The following JAK3 variants were observed in gnomAD, a reference collection of about 807,000 sequenced individuals.
JAK3 encodes Janus kinase 3, also known as tyrosine-protein kinase JAK3.
Under a neutral mutation model 120.8 loss-of-function variants are expected in JAK3, and 88 were observed. The ratio of observed to expected loss-of-function variants is 0.73; its 90% CI spans 0.61 to 0.87. The LOEUF is 0.87. Ranked by LOEUF, JAK3 falls within the 40% of genes least tolerant of loss-of-function variation. The pLI, the probability that JAK3 is intolerant of heterozygous loss-of-function variation, is 0.00. For synonymous variants in JAK3, 592 were observed against 628.6 expected (o/e 0.94, Z 0.87); for missense variants, 1,254 against 1,501.4 (o/e 0.84, Z 2.72).
At chr19:17,839,738 C>CTTTTTTTTTTTTTTTTTT in intron 9 of JAK3, 75 bp from the exon 10 acceptor site, 1 of 795,748 alleles carries the variant, frequency 1.3e-6, no homozygotes, top group South Asian at 1.7e-5. Flanking sequence ...CCTTTTTTTT[C>CTTTTTTTTTTTTTTTTTT]TTTTTTTTTT....
At chr19:17,839,369 A>T in intron 10 of JAK3, 108 bp downstream of exon 10, 1 of 1,045,370 alleles carries the variant, frequency 9.6e-7, no homozygotes, top group Non-Finnish European at 1.5e-6. Flanking sequence ...TCCCTAACCC[A>T]CCTTGACCTG....
Position 17,831,576 on chromosome 19 carries a change from C to T in JAK3, c.2805+98G>A. 2.0e-6 allele frequency: 3 copies of T among 1,524,812 alleles called. No homozygotes were observed. The highest frequency in any genetic ancestry group is 8.8e-7 in the Non-Finnish European group (1 of 1,133,970). 94.5% of individuals were successfully genotyped at this position (1,524,812 alleles called of 1,614,324 possible). ...ACCCCACCACTCCCGAGACCTGGAC[C>T]CCAAACCACTCCTCAGCCTTCACCG... is the stretch of plus-strand genomic sequence containing the variant. On this transcript the variant is annotated intron_variant, in intron 20 of 23. Coordinates refer to ENST00000458235, the MANE Select transcript of JAK3 (RefSeq NM_000215.4). This position sits in a 1 kb window ranked among gnomAD's most constrained non-coding sequence, Gnocchi z 5.1.
rs200737233 is a variant in JAK3, at chr19:17,832,720, C to T, written c.2491-12G>A. The T allele has an allele frequency of 3.6e-5, 58 of 1,614,204 alleles. No individual in the cohort carries two copies. In the East Asian group the frequency reaches 5.6e-4, roughly 16 times the overall value. On this transcript the variant is annotated splice_polypyrimidine_tract_variant and intron_variant, in intron 18 of 23. Coordinates refer to ENST00000458235, the MANE Select transcript of JAK3 (RefSeq NM_000215.4). The surrounding 1 kb of genome is among the most constrained non-coding windows in gnomAD (Gnocchi z 4.7). ...CTGCCAAAGTTGCCCTGGGGGATAGCGGGACTGATGTCCAGGCACCTGGAT... is the reference window on the plus strand; with the variant it reads ...CTGCCAAAGTTGCCCTGGGGGATAGTGGGACTGATGTCCAGGCACCTGGAT...
intron 17 of JAK3, 87 bp downstream of exon 17, chr19:17,834,484 G>A (rs1175440795): frequency 6.7e-6 from 10 of 1,484,346 alleles, no homozygotes; most frequent in Non-Finnish European, 8.4e-6. Flanking sequence ...CAGACACACA[G>A]GGCGTGGCCT....
Position 17,832,487 on chromosome 19 carries a change from G to A in JAK3, c.2680+32C>T, listed in dbSNP as rs372703124. The A allele has an allele frequency of 2.0e-5, 32 of 1,610,080 alleles. No homozygotes were observed. Among genetic ancestry groups the A allele is most frequent in the South Asian group, 4.4e-5 (4 of 91,018 alleles). Reference sequence around the variant, plus strand: ...TGTGCACTTTGAAAAGCACCCATACGTCTTGGTTCACTCATCCGGGAGCTG... The same window carrying A: ...TGTGCACTTTGAAAAGCACCCATACATCTTGGTTCACTCATCCGGGAGCTG... On this transcript the variant is annotated intron_variant, in intron 19 of 23. Transcript: ENST00000458235. This position sits in a 1 kb window ranked among gnomAD's most constrained non-coding sequence, Gnocchi z 4.7.
intron 10 of JAK3, 58 bp from the exon 11 acceptor site, chr19:17,838,448 G>T: frequency 6.2e-7 from 1 of 1,606,372 alleles, no homozygotes; most frequent in Non-Finnish European, 8.5e-7. Flanking sequence ...GTCCCCAAGG[G>T]TTAGCTAACT....
At position 17,835,958 on chromosome 19, in the gene JAK3, A is replaced by G; in HGVS notation, c.1880T>C (p.Val627Ala). Residue 627 changes from valine to alanine, a missense_variant, in exon 14 of 24, where the codon GTG (valine) becomes GCG (alanine). This residue lies in a region of JAK3 where 630 missense variants were observed against 819.8 expected (regional missense o/e 0.77). Transcript: ENST00000458235. ...GAGGGCGTAGGCCAGCTGTTTGACCACCTGCAGCTTCCAGCTGGCTGGCAC... is the reference window on the plus strand; with the variant it reads ...GAGGGCGTAGGCCAGCTGTTTGACCGCCTGCAGCTTCCAGCTGGCTGGCAC... ...HLVPASWKLQ[V>A]VKQLAYALNY... 2.5e-6 allele frequency: 4 copies of G among 1,614,086 alleles called. No individual in the cohort carries two copies. Among genetic ancestry groups the G allele is most frequent in the Non-Finnish European group, 3.4e-6 (4 of 1,180,028 alleles).
At chr19:17,833,542 GAAAAAAAA>G (rs58330868) in intron 17 of JAK3, among the ~76,000 whole-genome samples, 1,385 of 74,670 alleles carry the variant, frequency 0.019, 26 homozygotes, top group African/African-American at 0.06. Flanking sequence ...CCCCATCACA[GAAAAAAAA>G]AAAAAAAAAA....
chr19:17,837,120 G>T lies in JAK3; in HGVS notation c.1786+9C>A, dbSNP rs745749166. 9 of 1,541,974 alleles carry T rather than the reference G, an allele frequency of 5.8e-6. No individual in the cohort carries two copies. In the South Asian group the frequency reaches 1.1e-4, roughly 18 times the overall value. Reference sequence around the variant, plus strand: ...GCAGGGGTGGGGTGGGTGGGTGGGGGGCTCTCACTGTCTCCAGCCATGCAC... The same window carrying T: ...GCAGGGGTGGGGTGGGTGGGTGGGGTGCTCTCACTGTCTCCAGCCATGCAC... On this transcript the variant is annotated intron_variant, in intron 13 of 23. Coordinates refer to ENST00000458235, the MANE Select transcript of JAK3 (RefSeq NM_000215.4).
intron 1 of JAK3, among the ~76,000 whole-genome samples, chr19:17,844,808 A>G (rs921162287): frequency 3.5e-5 from 5 of 143,674 alleles, no homozygotes; most frequent in Non-Finnish European, 7.5e-5. Context: ...AAAAAAAAAA[A>G]AAAAAGAAAG....
At chr19:17,844,098 C>T in intron 2 of JAK3, 136 bp downstream of exon 2, 2 of 1,171,714 alleles carry the variant, frequency 1.7e-6, no homozygotes, top group Non-Finnish European at 2.5e-6. Context: ...CACCCTTCTC[C>T]ATTACAAAAC....
chr19:17,830,736 G>A, intron 21 of JAK3, 116 bp from the exon 22 acceptor site: 3 of 779,194 alleles, frequency 3.9e-6, no homozygotes, highest in African/African-American at 3.4e-5. Context: ...GGTCAGTCCC[G>A]TCTCCAGGGT....
chr19:17,841,807 C>T lies in JAK3; in HGVS notation c.862-45G>A, dbSNP rs763857659. 4 of 1,597,518 alleles carry T rather than the reference C, an allele frequency of 2.5e-6. No homozygotes were observed. The highest frequency in any genetic ancestry group is 3.4e-6 in the Non-Finnish European group (4 of 1,179,402). On this transcript the variant is annotated intron_variant, in intron 6 of 23. Coordinates refer to ENST00000458235, the MANE Select transcript of JAK3 (RefSeq NM_000215.4). The surrounding 1 kb of genome is among the most constrained non-coding windows in gnomAD (Gnocchi z 4.1). ...CCGAAGTGGGGGCCCAGCTGGACCC[C>T]GCCAAACCACGCCCATGAACCCACC...
Position 17,830,158 on chromosome 19 carries a change from G to A in JAK3, c.3157C>T (p.Leu1053=), listed in dbSNP as rs1367296820. The A allele has an allele frequency of 6.3e-7, 1 of 1,597,066 alleles. No homozygotes were observed. Among genetic ancestry groups the A allele is most frequent in the East Asian group, 2.3e-5 (1 of 44,068 alleles). The change falls in exon 23 of 24, where the codon CTG becomes TTG. Residue 1053 remains leucine (L), a synonymous_variant. Coordinates refer to ENST00000458235, the MANE Select transcript of JAK3 (RefSeq NM_000215.4). ...DVPALCRLLE[L]LEEGQRLPAP... is the part of the protein sequence containing the mutation. Reference sequence around the variant, plus strand: ...GGCAGCCTCTGGCCCTCCTCCAGCAGTTCCAAGAGGCGGCAGAGGGCGGGG... The same window carrying A: ...GGCAGCCTCTGGCCCTCCTCCAGCAATTCCAAGAGGCGGCAGAGGGCGGGG...
rs1360861138 is a variant in JAK3 at position 17,839,671 on chromosome 19, G to T, written c.1255-8C>A. The T allele has an allele frequency of 6.2e-7, 1 of 1,604,894 alleles. No homozygotes were observed. Among genetic ancestry groups the T allele is most frequent in the Non-Finnish European group, 8.5e-7 (1 of 1,176,508 alleles). ...ATCAGGACCAAGGGGGTTCTGCAAA[G>T]AAGAGTGGCCCCTGAGTGGGACTGA... On this transcript the variant is annotated splice_polypyrimidine_tract_variant and splice_region_variant and intron_variant, in intron 9 of 23. Coordinates refer to ENST00000458235, the MANE Select transcript of JAK3 (RefSeq NM_000215.4).
At position 17,842,591 on chromosome 19, in the gene JAK3, G is replaced by T. The variant is rs565101202; in HGVS notation, c.586C>A (p.Pro196Thr). ...KTVSYKACLPPSLRDLIQGLS... is the reference protein window; with the variant it reads ...KTVSYKACLPTSLRDLIQGLS... ...CCCTGGATCAGGTCGCGCAGGCTTG[G>T]GGGTAGGCAGGCCTTGTAGCTGCAG... The change falls in exon 6 of 24, where the codon CCA (proline) becomes ACA (threonine). Residue 196 changes from proline (P) to threonine (T), a missense_variant. Around this residue, in one of 3 missense-constraint regions of JAK3, gnomAD observed 486 missense variants for 503.0 expected, o/e 0.97. Transcript: ENST00000458235. The surrounding 1 kb of genome is among the most constrained non-coding windows in gnomAD (Gnocchi z 6.4). The T allele has an allele frequency of 1.0e-5, 16 of 1,581,458 alleles. No individual in the cohort carries two copies. In the East Asian group the frequency reaches 2.1e-4, roughly 20 times the overall value.
chr19:17,839,344 C>G (rs1389191045), intron 10 of JAK3, 133 bp downstream of exon 10: 2 of 845,426 alleles, frequency 2.4e-6, no homozygotes, highest in Non-Finnish European at 3.9e-6. Context: ...CCTGAGCCAA[C>G]AAATCACCTT....
chr19:17,844,542 T>A, intron 1 of JAK3, 112 bp from the exon 2 acceptor site: 3 of 905,152 alleles, frequency 3.3e-6, no homozygotes, highest in South Asian at 1.7e-5. Flanking sequence ...CTTATGCCTG[T>A]AATCACAGCA....
chr19:17,835,632 T>C (rs1373815613), intron 14 of JAK3, among the ~76,000 whole-genome samples: 1 of 152,152 alleles, frequency 6.6e-6, no homozygotes, highest in African/African-American at 2.4e-5. Context: ...TGACATTCCT[T>C]CCTTCCTTTC....
Sources: gnomAD v4.1 joint callset for allele counts (sites outside exome capture counted in the v4.1 genomes callset) on GRCh38, gnomAD v4.1.1 for gene constraint, gnomAD v4.1.1 regional missense constraint, Gnocchi (gnomAD v3.1) non-coding constraint, MANE v1.5 for transcripts, NCBI Gene and HGNC (gene_info 2026-07-23, HGNC 2026-07-21) for gene names.